DTL: variants seen among roughly 807,000 people sequenced by gnomAD.
DTL encodes the protein denticleless E3 ubiquitin protein ligase adapter, also known as denticleless protein homolog.
A neutral mutation model predicts 87.0 loss-of-function variants in DTL; 46 were observed. The ratio of observed to expected loss-of-function variants is 0.53; its 90% CI spans 0.42 to 0.68. DTL has a LOEUF of 0.68. Among genes scored for constraint, DTL ranks in the 30% least tolerant of loss-of-function variants. DTL has a pLI of 0.00. For missense variants in DTL, 737 were observed against 869.4 expected, an observed-to-expected ratio of 0.85 and a Z score of 1.91; for synonymous variants, 308 against 311.2, an observed-to-expected ratio of 0.99 and a Z score of 0.11.
chr1:212,084,530 C>T (rs756611925), intron 13 of DTL, among the ~76,000 whole-genome samples: 1 of 152,118 alleles, frequency 6.6e-6, no homozygotes, highest in African/African-American at 2.4e-5. Flanking sequence ...TTTAATAAGT[C>T]AGCTAGTTCT....
intron 6 of DTL, 95 bp from the exon 7 acceptor site, chr1:212,064,822 G>A: frequency 1.0e-6 from 1 of 985,010 alleles, no homozygotes. Context: ...TCACCAACTT[G>A]GTCAAAAATT....
In DTL at chr1:212,101,235, A is replaced by AT. The variant is rs1309748539; in HGVS notation, c.2094+155dup. ...AATTCAGCACATAAATACAAAACAA[A>AT]TTTTGCATGGGCCATATTTTTAGTA... On this transcript the variant is annotated intron_variant, in intron 14 of 14. Coordinates refer to ENST00000366991, the MANE Select transcript of DTL (RefSeq NM_016448.4). 5.3e-6 allele frequency: 3 copies of AT among 566,568 alleles called. No homozygotes were observed. The African/African-American group carries it at 5.7e-5, about 11-fold the overall frequency. The allele number at this position is 566,568 out of a possible 1,614,324, so 35.1% of individuals were successfully genotyped here. A position where few individuals can be genotyped will look rare whatever the true frequency, so the allele number is the denominator to read the frequency against.
chr1:212,039,642 TCA>T (rs1351969277), intron 1 of DTL, among the ~76,000 whole-genome samples: 1 of 152,226 alleles, frequency 6.6e-6, no homozygotes, highest in African/African-American at 2.4e-5. Context: ...TGTGCAAACA[TCA>T]CAGAGTATAA....
chr1:212,043,784 C>G (rs182403805), intron 2 of DTL, among the ~76,000 whole-genome samples: 285 of 146,474 alleles, frequency 1.9e-3, no homozygotes, highest in South Asian at 3.8e-3. Flanking sequence ...GAGCCAAGAT[C>G]GTGCCATTGC....
chr1:212,061,148 CCCAGCT>C (rs1654290919), intron 5 of DTL, among the ~76,000 whole-genome samples: 1 of 151,910 alleles, frequency 6.6e-6, no homozygotes, highest in African/African-American at 2.4e-5. Context: ...CTACTGTAGT[CCCAGCT>C]ACTTGGTGGG....
At position 212,104,065 on chromosome 1, in the gene DTL, T is replaced by C. The variant is rs1422033068; in HGVS notation, c.*1125T>C. On this transcript the variant is annotated 3_prime_UTR_variant, in exon 15 of 15. Coordinates refer to ENST00000366991, the MANE Select transcript of DTL (RefSeq NM_016448.4). ...CTCTAAGTTAATAATGTGCAAAATA[T>C]CTTAAACATCCCTCCCCTTATTCAA... 6.6e-6 allele frequency: 1 copy of C among 152,184 alleles called. No homozygotes were observed. Among genetic ancestry groups the C allele is most frequent in the Non-Finnish European group, 1.5e-5 (1 of 68,024 alleles). 9.4% of individuals were successfully genotyped at this position (152,184 alleles called of 1,614,324 possible).
intron 6 of DTL, among the ~76,000 whole-genome samples, chr1:212,064,208 C>A (rs1558079019): frequency 6.6e-6 from 1 of 151,920 alleles, no homozygotes; most frequent in Non-Finnish European, 1.5e-5. Context: ...TTTTAATAAA[C>A]CTTATTTTGT....
intron 5 of DTL, among the ~76,000 whole-genome samples, chr1:212,050,774 T>C (rs575398605): frequency 1.8e-4 from 28 of 152,310 alleles, no homozygotes; most frequent in Admixed American, 5.2e-4. Flanking sequence ...TCTCTTTTAG[T>C]TGTTACTGTT....
intron 2 of DTL, 58 bp from the exon 3 acceptor site, chr1:212,044,602 G>GA (rs373465088): frequency 0.23 from 194,467 of 858,412 alleles, 186 homozygotes; most frequent in South Asian, 0.24. Context: ...GACTCCGTCT[G>GA]AAAAAAAAAA....
intron 1 of DTL, among the ~76,000 whole-genome samples, chr1:212,037,021 C>G (rs1033085474): frequency 6.6e-6 from 1 of 152,192 alleles, no homozygotes; most frequent in African/African-American, 2.4e-5. Flanking sequence ...TGTAATTATA[C>G]TTAAATGCTC....
At chr1:212,050,068 G>A (rs537537634) in intron 5 of DTL, among the ~76,000 whole-genome samples, 1 of 152,192 alleles carries the variant, frequency 6.6e-6, no homozygotes, top group African/African-American at 2.4e-5. Flanking sequence ...CTACTTGGGA[G>A]GCTGAGGTGG....
intron 13 of DTL, among the ~76,000 whole-genome samples, chr1:212,096,596 ATTT>A (rs1341004142): frequency 6.6e-6 from 1 of 152,124 alleles, no homozygotes; most frequent in African/African-American, 2.4e-5. Flanking sequence ...AGTTCAAAGA[ATTT>A]TTTTAATTTC....
At chr1:212,043,850 ATAGAAG>A (rs1667731026) in intron 2 of DTL, among the ~76,000 whole-genome samples, 5 of 151,896 alleles carry the variant, frequency 3.3e-5, no homozygotes, top group Admixed American at 2.6e-4. Flanking sequence ...AAAAAAAGAA[ATAGAAG>A]TATTTGTCTC....
intron 1 of DTL, among the ~76,000 whole-genome samples, chr1:212,041,225 T>C (rs1667631627): frequency 6.6e-6 from 1 of 152,140 alleles, no homozygotes; most frequent in South Asian, 2.1e-4. Context: ...CAAGGACCAA[T>C]CACTCACCAT....
Position 212,044,715 on chromosome 1 carries a change from G to A in DTL, c.234G>A (p.Leu78=), listed in dbSNP as rs147784232. Residue 78 remains leucine, a synonymous_variant, in exon 3 of 15, where the codon TTG becomes TTA. Coordinates refer to ENST00000366991, the MANE Select transcript of DTL (RefSeq NM_016448.4). ...CCAATGAAGAAGGCTTTGTTCGATTGTATAACACAGAATCACAAAGTTTCA... is the reference window on the plus strand; with the variant it reads ...CCAATGAAGAAGGCTTTGTTCGATTATATAACACAGAATCACAAAGTTTCA... ...AVANEEGFVR[L]YNTESQSFRK... is the part of the protein sequence containing the mutation. The A allele has an allele frequency of 6.2e-7, 1 of 1,613,334 alleles. No homozygotes were observed. Among genetic ancestry groups the A allele is most frequent in the Non-Finnish European group, 8.5e-7 (1 of 1,179,620 alleles).
At chr1:212,066,264 T>C (rs1654495043) in intron 7 of DTL, among the ~76,000 whole-genome samples, 1 of 152,070 alleles carries the variant, frequency 6.6e-6, no homozygotes, top group Non-Finnish European at 1.5e-5. Flanking sequence ...CAAGCATGAA[T>C]GGAAGCAGAT....
At chr1:212,092,169 C>T (rs1011194269) in intron 13 of DTL, among the ~76,000 whole-genome samples, 4 of 152,210 alleles carry the variant, frequency 2.6e-5, no homozygotes, top group Non-Finnish European at 5.9e-5. Flanking sequence ...TTTGCGTCCT[C>T]ATAGCTTAGC....
At chr1:212,090,296 C>T (rs146099540) in intron 13 of DTL, among the ~76,000 whole-genome samples, 27 of 152,212 alleles carry the variant, frequency 1.8e-4, no homozygotes, top group African/African-American at 6.3e-4. Context: ...GTGAAAAACA[C>T]AGGGTAAAAA....
chr1:212,081,209 A>T (rs1290133638), intron 13 of DTL, among the ~76,000 whole-genome samples: 1 of 152,134 alleles, frequency 6.6e-6, no homozygotes, highest in African/African-American at 2.4e-5. Context: ...TTAGGTGACC[A>T]GGGGGGCCTC....
Sources: gnomAD v4.1 joint callset for allele counts (sites outside exome capture counted in the v4.1 genomes callset) on GRCh38, gnomAD v4.1.1 for gene constraint, MANE v1.5 for transcripts, NCBI Gene and HGNC (gene_info 2026-07-23, HGNC 2026-07-21) for gene names.